PDE4D: variants seen among roughly 807,000 people sequenced by gnomAD.
PDE4D encodes the protein phosphodiesterase 4D, also known as 3',5'-cyclic-AMP phosphodiesterase 4D.
Under a neutral mutation model 87.4 loss-of-function variants are expected in PDE4D, and 24 were observed. That is an observed-to-expected ratio of 0.27 (90% CI 0.20 to 0.39). The LOEUF is 0.39. PDE4D is among the 10% of genes least tolerant of loss of function. The pLI is 1.00. For missense variants in PDE4D, 714 were observed against 1,041.0 expected, an observed-to-expected ratio of 0.69 and a Z score of 4.32; for synonymous variants, 384 against 383.2, an observed-to-expected ratio of 1.00 and a Z score of -0.02.
chr5:58,994,276 G>C (rs1748633685), intron 6 of PDE4D, among the ~76,000 whole-genome samples: 1 of 151,966 alleles, frequency 6.6e-6, no homozygotes, highest in Non-Finnish European at 1.5e-5. Context: ...AGAAACACTG[G>C]AATTAACCTA....
intron 6 of PDE4D, among the ~76,000 whole-genome samples, chr5:59,012,186 T>C (rs10062858): frequency 0.21 from 31,312 of 152,078 alleles, 3,678 homozygotes; most frequent in East Asian, 0.54. Flanking sequence ...CAGTACCAGC[T>C]ACTGCAAAAA....
At chr5:60,061,709 A>AT (rs1163439425) in intron 2 of PDE4D, among the ~76,000 whole-genome samples, 1 of 152,202 alleles carries the variant, frequency 6.6e-6, no homozygotes, top group Non-Finnish European at 1.5e-5. Flanking sequence ...TAACCAAAAC[A>AT]TGGTACAGGT....
chr5:59,922,010 C>T (rs1342883738), intron 3 of PDE4D, among the ~76,000 whole-genome samples: 6 of 152,166 alleles, frequency 3.9e-5, no homozygotes, highest in African/African-American at 2.4e-5. Flanking sequence ...GCAGTGGCCA[C>T]GTGGCACAGA....
At chr5:59,947,581 T>C (rs1757855229) in intron 3 of PDE4D, among the ~76,000 whole-genome samples, 2 of 152,204 alleles carry the variant, frequency 1.3e-5, no homozygotes, top group African/African-American at 2.4e-5. Flanking sequence ...TTGTAGGATA[T>C]GCACACCTGC....
chr5:60,136,518 T>C (rs183082003), intron 2 of PDE4D, among the ~76,000 whole-genome samples: 1 of 152,266 alleles, frequency 6.6e-6, no homozygotes, highest in East Asian at 1.9e-4. Flanking sequence ...TTCCACTATA[T>C]TGGCCAGGCT....
At chr5:60,189,103 A>C (rs1785009737) in intron 1 of PDE4D, among the ~76,000 whole-genome samples, 1 of 152,214 alleles carries the variant, frequency 6.6e-6, no homozygotes, top group African/African-American at 2.4e-5. Context: ...GAGAACACTC[A>C]CACGTGCAAT....
At chr5:59,585,779 T>G (rs1377103880) in intron 1 of PDE4D, among the ~76,000 whole-genome samples, 1 of 152,212 alleles carries the variant, frequency 6.6e-6, no homozygotes, top group Non-Finnish European at 1.5e-5. Context: ...CTGATTCATA[T>G]GTTAGAATTC....
intron 5 of PDE4D, among the ~76,000 whole-genome samples, chr5:59,082,253 G>T (rs1393411261): frequency 1.3e-5 from 2 of 152,104 alleles, no homozygotes; most frequent in South Asian, 2.1e-4. Flanking sequence ...GTAATGAATA[G>T]CTTTTCTTCG....
chr5:59,766,141 T>G (rs1762763379), intron 1 of PDE4D, among the ~76,000 whole-genome samples: 1 of 152,172 alleles, frequency 6.6e-6, no homozygotes, highest in Admixed American at 6.5e-5. Context: ...AAAGCACAAA[T>G]GAGATTTTTG....
chr5:60,158,935 T>C (rs1425875041), intron 2 of PDE4D, among the ~76,000 whole-genome samples: 1 of 152,226 alleles, frequency 6.6e-6, no homozygotes, highest in African/African-American at 2.4e-5. Context: ...TTGTAACATG[T>C]TTATTTTATA....
intron 1 of PDE4D, among the ~76,000 whole-genome samples, chr5:59,424,783 T>A (rs1794963717): frequency 6.6e-6 from 1 of 152,184 alleles, no homozygotes; most frequent in Non-Finnish European, 1.5e-5. Flanking sequence ...TATCATTTGC[T>A]ATTAGGATGA....
Position 60,475,823 on chromosome 5 carries a change from GAAAA to G in PDE4D, c.-90+12115_-90+12118del, listed in dbSNP as rs397792795. ...ACTTCACTTCTCTCATCTGTTAAAT[GAAAA>G]AAAAAAAAAAAAAAAGACAATTACC... is the stretch of plus-strand genomic sequence containing the variant. On this transcript the variant is annotated intron_variant, in intron 1 of 16. Transcript: ENST00000502484. Among the ~76,000 whole-genome samples the G allele has an allele frequency of 1.9e-3, 183 of 95,056 alleles. 3 individuals carry two copies. In the East Asian group the frequency reaches 0.041, roughly 21 times the overall value. The allele number at this position is 95,056 out of a possible 152,430, so 62.4% of individuals were successfully genotyped here. A position where few individuals can be genotyped will look rare whatever the true frequency, so the allele number is the denominator to read the frequency against.
intron 11 of PDE4D, among the ~76,000 whole-genome samples, chr5:58,988,108 T>G (rs931860248): frequency 7.2e-5 from 11 of 152,188 alleles, no homozygotes; most frequent in African/African-American, 2.4e-4. Flanking sequence ...CTATGGCCTC[T>G]GAAGAGGATT....
chr5:60,068,813 G>A (rs1772403485), intron 2 of PDE4D, among the ~76,000 whole-genome samples: 1 of 152,048 alleles, frequency 6.6e-6, no homozygotes, highest in East Asian at 1.9e-4. Context: ...TGTTGCCCAG[G>A]CTGGCCTCGA....
intron 1 of PDE4D, among the ~76,000 whole-genome samples, chr5:60,374,223 T>C (rs769480027): frequency 8.5e-5 from 13 of 152,100 alleles, no homozygotes; most frequent in Non-Finnish European, 1.9e-4. Context: ...CATAATGTTG[T>C]ATGGGAAAGC....
At chr5:59,531,628 T>C (rs1170118810) in intron 1 of PDE4D, among the ~76,000 whole-genome samples, 1 of 152,234 alleles carries the variant, frequency 6.6e-6, no homozygotes. Flanking sequence ...TTGCCCTTTC[T>C]AGCTGTCCAC....
chr5:60,391,612 T>A (rs1275735773), intron 1 of PDE4D, among the ~76,000 whole-genome samples: 2 of 152,210 alleles, frequency 1.3e-5, no homozygotes, highest in African/African-American at 2.4e-5. Flanking sequence ...TTAGTTTCCT[T>A]AGTCACAATT....
chr5:59,749,748 C>T (rs1466757002), intron 1 of PDE4D, among the ~76,000 whole-genome samples: 1 of 152,088 alleles, frequency 6.6e-6, no homozygotes, highest in African/African-American at 2.4e-5. Flanking sequence ...ACTTTTAATA[C>T]CACCTACATT....
At chr5:59,676,120 T>C (rs938595598) in intron 1 of PDE4D, among the ~76,000 whole-genome samples, 8 of 148,850 alleles carry the variant, frequency 5.4e-5, no homozygotes, top group African/African-American at 2.0e-4. Flanking sequence ...CACACACACA[T>C]TTAATAACAC....
Sources: allele counts gnomAD v4.1 joint callset (sites outside exome capture counted in the v4.1 genomes callset), GRCh38; gene constraint gnomAD v4.1.1; transcripts MANE v1.5; gene names NCBI Gene and HGNC (gene_info 2026-07-23, HGNC 2026-07-21).